The following CCNB1IP1 variants were observed in gnomAD, a reference collection of about 807,000 sequenced individuals.
CCNB1IP1 encodes the protein E3 ubiquitin-protein ligase CCNB1IP1.
CCNB1IP1 carries 14 observed loss-of-function variants against 25.6 expected under a neutral mutation model. That is an observed-to-expected ratio of 0.55 (90% CI 0.36 to 0.85). The LOEUF is 0.85. Ranked by LOEUF, CCNB1IP1 falls within the 40% of genes least tolerant of loss-of-function variation. The pLI, the probability that CCNB1IP1 is intolerant of heterozygous loss-of-function variation, is 0.01. For missense variants in CCNB1IP1, 278 were observed against 342.4 expected (o/e 0.81, Z 1.48); for synonymous variants, 119 against 116.1 (o/e 1.02, Z -0.16).
At chr14:20,325,277 C>T (rs1883036621) in intron 4 of CCNB1IP1, among the ~76,000 whole-genome samples, 1 of 147,152 alleles carries the variant, frequency 6.8e-6, no homozygotes, top group African/African-American at 2.4e-5. Flanking sequence ...AAAAATTAGC[C>T]GGGCGTAGTG....
chr14:20,312,227 A>G (rs1222535772), intron 6 of CCNB1IP1, among the ~76,000 whole-genome samples: 2 of 152,370 alleles, frequency 1.3e-5, no homozygotes, highest in East Asian at 1.9e-4. Flanking sequence ...ACAAATGTGG[A>G]CAGTGACAAA....
In CCNB1IP1 at chr14:20,324,609, C is replaced by T. The variant is rs1050183671; in HGVS notation, c.-38+930G>A. ...AGTTAACATCAAACTGAGCATTTAC[C>T]GTATGCTTTACCCACACCCTTACTA... On this transcript the variant is annotated intron_variant, in intron 4 of 6. Coordinates refer to ENST00000358932, the MANE Select transcript of CCNB1IP1 (RefSeq NM_021178.5). Among the ~76,000 whole-genome samples the T allele has an allele frequency of 3.9e-5, 6 of 152,088 alleles. No individual in the cohort carries two copies. In the East Asian group the frequency reaches 1.2e-3, roughly 29 times the overall value.
At chr14:20,332,332 C>T (rs1279348156) in intron 1 of CCNB1IP1, among the ~76,000 whole-genome samples, 2 of 152,072 alleles carry the variant, frequency 1.3e-5, no homozygotes, top group African/African-American at 4.8e-5. Flanking sequence ...CCAACACAAA[C>T]ATCACATTAA....
At chr14:20,323,917 C>CAAAAAA (rs59156707) in intron 4 of CCNB1IP1, among the ~76,000 whole-genome samples, 8 of 73,680 alleles carry the variant, frequency 1.1e-4, no homozygotes, top group Admixed American at 1.6e-4. Context: ...GACTCCGTCT[C>CAAAAAA]AAAAAAAAAA....
Position 20,313,558 on chromosome 14 carries a change from G to A in CCNB1IP1, c.541C>T (p.Leu181Phe). The change falls in exon 6 of 7, where the codon CTT (leucine) becomes TTT (phenylalanine). Residue 181 changes from leucine (L) to phenylalanine (F), a missense_variant. Transcript: ENST00000358932. ...YQKLQGLYDS[L>F]RLRNITIANH... Reference sequence around the variant, plus strand: ...GCAATAGTGATGTTTCGTAGCCTAAGGCTATCATAGAGGCCTTGGAGCTTT... The same window carrying A: ...GCAATAGTGATGTTTCGTAGCCTAAAGCTATCATAGAGGCCTTGGAGCTTT... 1 of 1,614,206 alleles carries A rather than the reference G, an allele frequency of 6.2e-7. No individual in the cohort carries two copies.
chr14:20,313,505 G>A lies in CCNB1IP1; in HGVS notation c.594C>T (p.Ser198=), dbSNP rs1882572468. 6.2e-7 allele frequency: 1 copy of A among 1,610,544 alleles called. No homozygotes were observed. The highest frequency in any genetic ancestry group is 1.7e-5 in the Admixed American group (1 of 59,486). The change falls in exon 6 of 7, where the codon TCC becomes TCT. Residue 198 remains serine (S), a synonymous_variant. Transcript: ENST00000358932. ...IANHEGTLEP[S]MIAQSGVLGF... ...CAAGAACACCAGACTGTGCAATCAT[G>A]GATGGTTCAAGGGTGCCTTCATGGT...
chr14:20,311,798 CTATA>C, intron 6 of CCNB1IP1, 46 bp from the exon 7 acceptor site: 1 of 1,248,504 alleles, frequency 8.0e-7, no homozygotes, highest in Non-Finnish European at 1.2e-6. Context: ...CATTTGTTAT[CTATA>C]TAATCTACTT....
chr14:20,327,513 C>T (rs755810494), intron 2 of CCNB1IP1, among the ~76,000 whole-genome samples: 1 of 150,144 alleles, frequency 6.7e-6, no homozygotes, highest in African/African-American at 2.5e-5. Context: ...CCAGCATTTG[C>T]GTGTCATCTG....
intron 1 of CCNB1IP1, among the ~76,000 whole-genome samples, chr14:20,330,128 T>G (rs1399368630): frequency 1.4e-5 from 2 of 140,418 alleles, no homozygotes; most frequent in Non-Finnish European, 3.1e-5. Context: ...ACAAAAAACA[T>G]GTCCTTTGCA....
chr14:20,332,096 G>A (rs1883270776), intron 1 of CCNB1IP1, among the ~76,000 whole-genome samples: 1 of 128,270 alleles, frequency 7.8e-6, no homozygotes, highest in Non-Finnish European at 1.6e-5. Context: ...GTGCAATGGC[G>A]CGATCTCGGC....
chr14:20,318,649 C>A (rs1476125776), intron 4 of CCNB1IP1, among the ~76,000 whole-genome samples: 1 of 152,176 alleles, frequency 6.6e-6, no homozygotes, highest in Non-Finnish European at 1.5e-5. Flanking sequence ...TTACCCATAG[C>A]AGCTGCTTTA....
Position 20,313,524 on chromosome 14 carries a change from T to C in CCNB1IP1, c.575A>G (p.Glu192Gly). 1 of 1,613,922 alleles carries C rather than the reference T, an allele frequency of 6.2e-7. No homozygotes were observed. Among genetic ancestry groups the C allele is most frequent in the Non-Finnish European group, 8.5e-7 (1 of 1,179,930 alleles). The part of the protein sequence containing the change: ...RLRNITIANH[E>G]GTLEPSMIAQ... Reference sequence around the variant, plus strand: ...AATCATGGATGGTTCAAGGGTGCCTTCATGGTTAGCAATAGTGATGTTTCG... The same window carrying C: ...AATCATGGATGGTTCAAGGGTGCCTCCATGGTTAGCAATAGTGATGTTTCG... Residue 192 changes from glutamate (E) to glycine (G), a missense_variant, in exon 6 of 7, where the codon GAA becomes GGA. Coordinates refer to ENST00000358932, the MANE Select transcript of CCNB1IP1 (RefSeq NM_021178.5).
Position 20,316,578 on chromosome 14 carries a change from A to G in CCNB1IP1, c.-37-18T>C, listed in dbSNP as rs552458734. 1.0e-5 allele frequency: 15 copies of G among 1,454,040 alleles called. No homozygotes were observed. The South Asian group carries it at 1.8e-4, about 17-fold the overall frequency. 90.1% of individuals were successfully genotyped at this position (1,454,040 alleles called of 1,614,324 possible). A position where few individuals can be genotyped will look rare whatever the true frequency, so the allele number is the denominator to read the frequency against. ...AGAGAGGCCTAAGAAGGGGTAAATA[A>G]AAAGGCCAAGTAAGTTAAATTGCAA... On this transcript the variant is annotated intron_variant, in intron 4 of 6. Transcript: ENST00000358932.
chr14:20,318,145 T>C (rs1882776243), intron 4 of CCNB1IP1: 1 of 152,268 alleles, frequency 6.6e-6, no homozygotes, highest in South Asian at 2.1e-4. Flanking sequence ...TTTCCTTGAG[T>C]CTGCATTACA....
rs140138325 is a variant in CCNB1IP1, at chr14:20,315,815, G to A, written c.297+412C>T. 45 of 1,226,238 alleles carry A rather than the reference G, an allele frequency of 3.7e-5. No homozygotes were observed. The Middle Eastern group carries it at 2.0e-3, about 55-fold the overall frequency. The allele number at this position is 1,226,238 out of a possible 1,614,324, so 76.0% of individuals were successfully genotyped here. A position where few individuals can be genotyped will look rare whatever the true frequency, so the allele number is the denominator to read the frequency against. On this transcript the variant is annotated intron_variant, in intron 5 of 6. Coordinates refer to ENST00000358932, the MANE Select transcript of CCNB1IP1 (RefSeq NM_021178.5). ...CACAGGCTACTCAGGAGGCTGAGGC[G>A]GGAGAATGGCTTGAACCCAGGAGTT...
chr14:20,320,396 G>A, intron 4 of CCNB1IP1: 1 of 449,906 alleles, frequency 2.2e-6, no homozygotes, highest in South Asian at 1.6e-5. Context: ...AACATTCCTA[G>A]GTTATATTTA....
intron 1 of CCNB1IP1, among the ~76,000 whole-genome samples, chr14:20,332,130 G>A (rs928025502): frequency 3.4e-5 from 5 of 146,074 alleles, no homozygotes; most frequent in South Asian, 4.4e-4. Context: ...CACCTCCCGG[G>A]TTCAAGCGAT....
In CCNB1IP1 at chr14:20,313,703, C is replaced by T. The variant is rs780671784; in HGVS notation, c.396G>A (p.Lys132=). 1 of 1,614,078 alleles carries T rather than the reference C, an allele frequency of 6.2e-7. No homozygotes were observed. The highest frequency in any genetic ancestry group is 1.1e-5 in the South Asian group (1 of 91,074). Residue 132 remains lysine, a synonymous_variant, in exon 6 of 7, where the codon AAG becomes AAA. Coordinates refer to ENST00000358932, the MANE Select transcript of CCNB1IP1 (RefSeq NM_021178.5). The stretch of plus-strand genomic sequence containing the variant: ...CTTTCATAGAGGTCAATTCTACATC[C>T]TTGCTTTGTATTTGCTGAGTATATA... ...EKIYTQQIQS[K]DVELTSMKGE...
rs1000017982 is a variant in CCNB1IP1 at position 20,313,782 on chromosome 14, T to C, written c.317A>G (p.Tyr106Cys). ...AGCCTTGCTGAAATTGTATTCTTGATAGAGACGTTCCTGATGTACCTGGTT... is the reference window on the plus strand; with the variant it reads ...AGCCTTGCTGAAATTGTATTCTTGACAGAGACGTTCCTGATGTACCTGGTT... The part of the protein sequence containing the change: ...WTYQVHQERL[Y>C]QEYNFSKAEG... Residue 106 changes from tyrosine (Y) to cysteine (C), a missense_variant, in exon 6 of 7, where the codon TAT becomes TGT. Physicochemically the swap from Tyr to Cys is radical, Grantham distance 194 (BLOSUM62 -2). Transcript: ENST00000358932. 7 of 1,583,398 alleles carry C rather than the reference T, an allele frequency of 4.4e-6. No homozygotes were observed. The highest frequency in any genetic ancestry group is 1.4e-5 in the African/African-American group (1 of 73,412).
Sources: allele counts gnomAD v4.1 joint callset (sites outside exome capture counted in the v4.1 genomes callset), GRCh38; gene constraint gnomAD v4.1.1; transcripts MANE v1.5; gene names NCBI Gene and HGNC (gene_info 2026-07-23, HGNC 2026-07-21).